The following CDCA2 variants were observed in gnomAD, a reference collection of about 807,000 sequenced individuals.
CDCA2 encodes the protein cell division cycle associated 2, also known as cell division cycle-associated protein 2.
A neutral mutation model predicts 67.0 loss-of-function variants in CDCA2; 44 were observed. The observed-to-expected ratio is 0.66, with a 90% confidence interval of 0.52 to 0.84. The LOEUF is 0.84. Ranked by LOEUF, CDCA2 falls within the 40% of genes least tolerant of loss-of-function variation. The probability of loss-of-function intolerance (pLI) is 0.00; values close to 1 mark genes in which losing one functional copy is unlikely to be tolerated. For synonymous variants in CDCA2, 447 were observed against 418.7 expected, an observed-to-expected ratio of 1.07 and a Z score of -0.82; for missense variants, 1,253 against 1,203.2, an observed-to-expected ratio of 1.04 and a Z score of -0.61.
At chr8:25,501,271 G>C (rs545750601) in intron 13 of CDCA2, among the ~76,000 whole-genome samples, 1 of 152,278 alleles carries the variant, frequency 6.6e-6, no homozygotes, top group East Asian at 1.9e-4. Context: ...GTTTTCACAG[G>C]ATATCTATAG....
chr8:25,486,683 C>T (rs1422986056), intron 11 of CDCA2, among the ~76,000 whole-genome samples: 1 of 150,410 alleles, frequency 6.6e-6, no homozygotes, highest in Non-Finnish European at 1.5e-5. Context: ...GGCATGGTAG[C>T]GGGTGCCTAT....
chr8:25,496,266 TAA>T (rs1479844613), intron 13 of CDCA2, among the ~76,000 whole-genome samples: 1 of 152,200 alleles, frequency 6.6e-6, no homozygotes, highest in Non-Finnish European at 1.5e-5. Context: ...AAATAACACA[TAA>T]GTTTATTACT....
intron 13 of CDCA2, among the ~76,000 whole-genome samples, chr8:25,498,706 A>G (rs1424719564): frequency 6.6e-6 from 1 of 151,980 alleles, no homozygotes; most frequent in Admixed American, 6.6e-5. Context: ...CTTTGTAGCT[A>G]CATCCACTTC....
intron 3 of CDCA2, among the ~76,000 whole-genome samples, chr8:25,461,268 C>CAAA (rs61333775): frequency 2.6e-4 from 25 of 95,918 alleles, no homozygotes; most frequent in African/African-American, 4.2e-4. Flanking sequence ...ACTCTGTCTC[C>CAAA]AAAAAAAAAA....
At chr8:25,496,506 C>G (rs763825266) in intron 13 of CDCA2, among the ~76,000 whole-genome samples, 2 of 151,906 alleles carry the variant, frequency 1.3e-5, no homozygotes, top group Non-Finnish European at 2.9e-5. Context: ...AAAGAAACAC[C>G]GTATAGAATG....
chr8:25,466,243 T>C lies in CDCA2; in HGVS notation c.456T>C (p.Phe152=). 1.2e-6 allele frequency: 2 copies of C among 1,612,306 alleles called. No individual in the cohort carries two copies. Among genetic ancestry groups the C allele is most frequent in the Admixed American group, 1.7e-5 (1 of 59,338 alleles). The part of the protein sequence containing the change: ...RERISAFQSA[F]HSIKENEKMT... ...GAATATCAGCCTTCCAGTCAGCTTT[T>C]CACTCCATAAAGGAAAACGAGAAAA... The change falls in exon 5 of 15, where the codon TTT becomes TTC. Residue 152 remains phenylalanine (F), a synonymous_variant. Transcript: ENST00000330560.
At position 25,462,116 on chromosome 8, in the gene CDCA2, C is replaced by G; in HGVS notation, c.295C>G (p.Pro99Ala). ...RRSAVGARGS[P>A]ETNHLIRFIA... ...TTCTGCAGTCGGTGCTCGGGGCTCT[C>G]CTGAAACAAACCATCTGATTCGTTT... Residue 99 changes from proline to alanine, a missense_variant, in exon 4 of 15, where the codon CCT (proline) becomes GCT (alanine). Transcript: ENST00000330560. The G allele has an allele frequency of 6.2e-7, 1 of 1,614,180 alleles. No homozygotes were observed. Among genetic ancestry groups the G allele is most frequent in the Non-Finnish European group, 8.5e-7 (1 of 1,180,012 alleles).
chr8:25,464,615 C>G (rs902340279), intron 4 of CDCA2, among the ~76,000 whole-genome samples: 6 of 152,130 alleles, frequency 3.9e-5, no homozygotes, highest in Non-Finnish European at 8.8e-5. Context: ...ACAATTTTGA[C>G]TAGAGAAACT....
At chr8:25,492,943 C>T (rs1804070637) in intron 13 of CDCA2, among the ~76,000 whole-genome samples, 1 of 152,132 alleles carries the variant, frequency 6.6e-6, no homozygotes, top group Non-Finnish European at 1.5e-5. Flanking sequence ...ATTCCTGCCT[C>T]CAGTGCAATG....
intron 13 of CDCA2, among the ~76,000 whole-genome samples, chr8:25,493,280 A>T (rs1018355360): frequency 1.3e-5 from 2 of 152,324 alleles, no homozygotes; most frequent in African/African-American, 4.8e-5. Context: ...TTGACAGATA[A>T]CTAAAATTAG....
At chr8:25,504,195 A>T (rs1198062610) in intron 14 of CDCA2, among the ~76,000 whole-genome samples, 2 of 152,152 alleles carry the variant, frequency 1.3e-5, no homozygotes, top group African/African-American at 2.4e-5. Flanking sequence ...AAGTCAGTTG[A>T]TATATGGGGT....
intron 7 of CDCA2, among the ~76,000 whole-genome samples, chr8:25,476,533 T>C (rs1334357220): frequency 6.6e-6 from 1 of 151,966 alleles, no homozygotes; most frequent in Non-Finnish European, 1.5e-5. Context: ...TCAATGTTCT[T>C]ACCTAGGGCC....
intron 10 of CDCA2, 105 bp downstream of exon 10, chr8:25,484,315 A>C: frequency 1.5e-6 from 2 of 1,370,256 alleles, no homozygotes; most frequent in South Asian, 1.4e-5. Context: ...GATAGACTAA[A>C]TGATATGCCA....
At chr8:25,497,286 T>TAACC (rs1016307425) in intron 13 of CDCA2, among the ~76,000 whole-genome samples, 2 of 152,144 alleles carry the variant, frequency 1.3e-5, no homozygotes, top group African/African-American at 4.8e-5. Flanking sequence ...CAAAGAGCGA[T>TAACC]AACCAAGTTA....
chr8:25,504,220 C>G (rs190225366), intron 14 of CDCA2, among the ~76,000 whole-genome samples: 1 of 151,804 alleles, frequency 6.6e-6, no homozygotes, highest in Admixed American at 6.5e-5. Context: ...AAAAAATGGA[C>G]TGGAATTGTT....
chr8:25,467,828 A>G (rs1802975439), intron 5 of CDCA2, among the ~76,000 whole-genome samples: 1 of 152,274 alleles, frequency 6.6e-6, no homozygotes, highest in African/African-American at 2.4e-5. Context: ...TAAAATTACG[A>G]TGCACAATAG....
In CDCA2 at chr8:25,507,393, A is replaced by T; in HGVS notation, c.2727A>T (p.Ser909=). ...DLENEGLVWI[S]LPLPSTSQKA... ...AAAACGAAGGTCTTGTATGGATTTC[A>T]CTTCCACTTCCTTCCACTTCCCAAA... is the stretch of plus-strand genomic sequence containing the variant. Residue 909 remains serine, a synonymous_variant, in exon 15 of 15, where the codon TCA becomes TCT. Transcript: ENST00000330560. The T allele has an allele frequency of 6.2e-7, 1 of 1,613,894 alleles. No individual in the cohort carries two copies. Among genetic ancestry groups the T allele is most frequent in the East Asian group, 2.2e-5 (1 of 44,888 alleles).
At chr8:25,490,340 A>AT in intron 13 of CDCA2, among the ~76,000 whole-genome samples, 1 of 152,022 alleles carries the variant, frequency 6.6e-6, no homozygotes, top group Non-Finnish European at 1.5e-5. Context: ...AATTAATACC[A>AT]TTTAGGTACT....
At chr8:25,502,775 A>G (rs1804528231) in intron 13 of CDCA2, among the ~76,000 whole-genome samples, 1 of 151,952 alleles carries the variant, frequency 6.6e-6, no homozygotes, top group Non-Finnish European at 1.5e-5. Context: ...ATATTTTTTC[A>G]TTTATCCAGC....
Sources: allele counts gnomAD v4.1 joint callset (sites outside exome capture counted in the v4.1 genomes callset), GRCh38; gene constraint gnomAD v4.1.1; transcripts MANE v1.5; gene names NCBI Gene and HGNC (gene_info 2026-07-23, HGNC 2026-07-21).